Variants in PRTFDC1 observed in about 807,000 individuals in gnomAD.
PRTFDC1 encodes phosphoribosyltransferase domain-containing protein 1.
A neutral mutation model predicts 34.6 loss-of-function variants in PRTFDC1; 38 were observed. The ratio of observed to expected loss-of-function variants is 1.10; its 90% CI spans 0.85 to 1.44. The LOEUF is 1.44. Ranked by LOEUF, PRTFDC1 falls within the 40% of genes most tolerant of loss-of-function variation. The pLI, the probability that PRTFDC1 is intolerant of heterozygous loss-of-function variation, is 0.00. For synonymous variants in PRTFDC1, 93 were observed against 98.1 expected, an observed-to-expected ratio of 0.95 and a Z score of 0.31; for missense variants, 270 against 283.0, an observed-to-expected ratio of 0.95 and a Z score of 0.33.
intron 5 of PRTFDC1, among the ~76,000 whole-genome samples, chr10:24,857,885 CAA>C (rs1269372781): frequency 6.6e-6 from 1 of 151,696 alleles, no homozygotes; most frequent in Non-Finnish European, 1.5e-5. Flanking sequence ...AACAGAAAAA[CAA>C]AAGTTAAAAA....
At chr10:24,877,096 T>C (rs1249283447) in intron 3 of PRTFDC1, among the ~76,000 whole-genome samples, 3 of 152,174 alleles carry the variant, frequency 2.0e-5, no homozygotes, top group Non-Finnish European at 4.4e-5. Context: ...ACGACCCCCC[T>C]ACTTCTCAGT....
chr10:24,912,308 T>G (rs1384676693), intron 3 of PRTFDC1, among the ~76,000 whole-genome samples: 4 of 135,128 alleles, frequency 3.0e-5, no homozygotes, highest in Admixed American at 7.5e-5. Context: ...AAGAAATTGC[T>G]GAAGAGTTTT....
chr10:24,906,970 G>A (rs1047884143), intron 3 of PRTFDC1, among the ~76,000 whole-genome samples: 3 of 152,186 alleles, frequency 2.0e-5, no homozygotes, highest in African/African-American at 7.2e-5. Context: ...TATACATTTA[G>A]CATATAAAGC....
At chr10:24,949,719 A>G (rs113785246) in intron 1 of PRTFDC1, among the ~76,000 whole-genome samples, 2 of 134,246 alleles carry the variant, frequency 1.5e-5, no homozygotes, top group Non-Finnish European at 3.0e-5. Context: ...TTTTTTGTTT[A>G]TTTATTTATT....
At chr10:24,880,376 C>T (rs1003594547) in intron 3 of PRTFDC1, among the ~76,000 whole-genome samples, 1 of 152,078 alleles carries the variant, frequency 6.6e-6, no homozygotes, top group East Asian at 1.9e-4. Flanking sequence ...CCTTAGCCTC[C>T]CAGGTAGCTG....
chr10:24,947,908 C>T (rs1849276538), intron 1 of PRTFDC1, among the ~76,000 whole-genome samples: 1 of 152,180 alleles, frequency 6.6e-6, no homozygotes, highest in Admixed American at 6.5e-5. Context: ...CACCTCACAA[C>T]CATACATCTT....
intron 4 of PRTFDC1, among the ~76,000 whole-genome samples, chr10:24,866,884 G>C (rs1847789404): frequency 6.7e-6 from 1 of 150,254 alleles, no homozygotes. Context: ...GAAAGAAAAA[G>C]AGAGAAAGGA....
intron 3 of PRTFDC1, among the ~76,000 whole-genome samples, chr10:24,897,081 G>C (rs987489291): frequency 6.6e-6 from 1 of 152,146 alleles, no homozygotes; most frequent in African/African-American, 2.4e-5. Context: ...ATGGTGGCAT[G>C]TGCCTGTAGT....
At position 24,914,797 on chromosome 10, in the gene PRTFDC1, C is replaced by A. The variant is rs1233128112; in HGVS notation, c.339+22387G>T. Among the ~76,000 whole-genome samples the A allele has an allele frequency of 3.3e-5, 5 of 152,182 alleles. No individual in the cohort carries two copies. In the East Asian group the frequency reaches 7.7e-4, roughly 23 times the overall value. On this transcript the variant is annotated intron_variant, in intron 3 of 8. Transcript: ENST00000320152. Reference sequence around the variant, plus strand: ...ACTAGGTTCATGTCAACAAATGCTTCATCTTTCTCACATTAAAACAAGTAG... The same window carrying A: ...ACTAGGTTCATGTCAACAAATGCTTAATCTTTCTCACATTAAAACAAGTAG...
At chr10:24,919,846 T>C (rs530308858) in intron 3 of PRTFDC1, among the ~76,000 whole-genome samples, 3 of 150,612 alleles carry the variant, frequency 2.0e-5, no homozygotes, top group Non-Finnish European at 4.4e-5. Flanking sequence ...AAAGAAGACA[T>C]TTAAGTGGCC....
intron 3 of PRTFDC1, among the ~76,000 whole-genome samples, chr10:24,933,580 A>T (rs1231903550): frequency 6.6e-6 from 1 of 152,246 alleles, no homozygotes; most frequent in African/African-American, 2.4e-5. Context: ...CAAGAAAAAA[A>T]TAAGGAAAAA....
Position 24,908,734 on chromosome 10 carries a change from C to T in PRTFDC1, c.339+28450G>A, listed in dbSNP as rs80151698. On this transcript the variant is annotated intron_variant, in intron 3 of 8. Transcript: ENST00000320152. ...CAGTGAGGGAGGAAGGAGACACCTA[C>T]CTAGCCAGCCCGATCAGCCTGATCA... The T allele has an allele frequency of 3.2e-3, 4,905 of 1,518,800 alleles. 187 individuals carry two copies. The East Asian group carries it at 0.09, about 28-fold the overall frequency. 94.1% of individuals were successfully genotyped at this position (1,518,800 alleles called of 1,614,324 possible).
intron 8 of PRTFDC1, 51 bp downstream of exon 8, chr10:24,851,336 AT>A (rs1336243103): frequency 1.9e-6 from 3 of 1,578,642 alleles, no homozygotes; most frequent in Non-Finnish European, 2.6e-6. Context: ...ACTTTTTTAA[AT>A]TGTTAAGTTC....
At chr10:24,862,000 A>T (rs1286290136) in intron 4 of PRTFDC1, among the ~76,000 whole-genome samples, 1 of 152,046 alleles carries the variant, frequency 6.6e-6, no homozygotes, top group East Asian at 1.9e-4. Context: ...TATACCTGTC[A>T]AAGAAAGTTT....
intron 2 of PRTFDC1, 107 bp downstream of exon 2, chr10:24,942,223 C>T: frequency 1.2e-6 from 1 of 858,240 alleles, no homozygotes; most frequent in Non-Finnish European, 1.9e-6. Flanking sequence ...CTCTCTACCA[C>T]TATAAAACGC....
chr10:24,878,843 A>G (rs1370582362), intron 3 of PRTFDC1, among the ~76,000 whole-genome samples: 1 of 152,180 alleles, frequency 6.6e-6, no homozygotes, highest in Non-Finnish European at 1.5e-5. Context: ...TCATTTCAAG[A>G]GTCAGAGCGC....
chr10:24,935,078 G>A (rs911899689), intron 3 of PRTFDC1, among the ~76,000 whole-genome samples: 1 of 152,166 alleles, frequency 6.6e-6, no homozygotes, highest in Non-Finnish European at 1.5e-5. Flanking sequence ...AGGACACAAG[G>A]ACATTCTTTG....
intron 3 of PRTFDC1, among the ~76,000 whole-genome samples, chr10:24,883,307 T>A (rs1240744163): frequency 6.6e-6 from 1 of 152,084 alleles, no homozygotes; most frequent in East Asian, 1.9e-4. Context: ...GTATTGTGAT[T>A]GGTATTCTAC....
intron 4 of PRTFDC1, among the ~76,000 whole-genome samples, chr10:24,868,935 AC>A (rs1364253163): frequency 6.6e-6 from 1 of 152,124 alleles, no homozygotes; most frequent in East Asian, 1.9e-4. Context: ...TTATGTATTT[AC>A]GGAGTACATG....
Sources: allele counts gnomAD v4.1 joint callset (sites outside exome capture counted in the v4.1 genomes callset), GRCh38; gene constraint gnomAD v4.1.1; transcripts MANE v1.5; gene names NCBI Gene and HGNC (gene_info 2026-07-23, HGNC 2026-07-21).